CACHD1: variants seen among roughly 807,000 people sequenced by gnomAD.
CACHD1 encodes the protein VWFA and cache domain-containing protein 1.
A neutral mutation model predicts 138.7 loss-of-function variants in CACHD1; 71 were observed. The observed-to-expected ratio is 0.51, with a 90% confidence interval of 0.42 to 0.62. The LOEUF is 0.62. CACHD1 is among the 20% of genes least tolerant of loss of function. CACHD1 has a pLI of 0.00. For missense variants in CACHD1, 1,389 were observed against 1,625.3 expected (o/e 0.85, Z 2.50); for synonymous variants, 578 against 591.5 (o/e 0.98, Z 0.33).
At chr1:64,619,485 G>C (rs780403750) in intron 4 of CACHD1, among the ~76,000 whole-genome samples, 2 of 152,150 alleles carry the variant, frequency 1.3e-5, no homozygotes, top group Non-Finnish European at 2.9e-5. Flanking sequence ...CAGAAGAACT[G>C]TTTCCTTGCA....
At chr1:64,540,732 A>G (rs916164477) in intron 1 of CACHD1, among the ~76,000 whole-genome samples, 3 of 152,124 alleles carry the variant, frequency 2.0e-5, no homozygotes, top group Non-Finnish European at 4.4e-5. Context: ...ATTGCTTTAG[A>G]TTTTCCCTGC....
Position 64,582,215 on chromosome 1 carries a change from G to A in CACHD1, c.321G>A (p.Lys107=). 1.2e-6 allele frequency: 2 copies of A among 1,614,066 alleles called. No individual in the cohort carries two copies. The highest frequency in any genetic ancestry group is 1.7e-6 in the Non-Finnish European group (2 of 1,179,930). The part of the protein sequence containing the change: ...NRYLDVVNRN[K]QVVEASYTAH... The stretch of plus-strand genomic sequence containing the variant: ...ACTTGGATGTGGTCAATCGGAACAA[G>A]CAAGTTGTAGAAGCATCCTATACGG... Residue 107 remains lysine, a synonymous_variant, in exon 3 of 27, where the codon AAG becomes AAA. Transcript: ENST00000651257.
chr1:64,604,937 C>T (rs938724414), intron 4 of CACHD1, among the ~76,000 whole-genome samples: 1 of 149,584 alleles, frequency 6.7e-6, no homozygotes, highest in African/African-American at 2.5e-5. Flanking sequence ...AGGCATGAGC[C>T]ACCTCGCCTA....
intron 1 of CACHD1, among the ~76,000 whole-genome samples, chr1:64,479,547 T>C (rs575115776): frequency 6.6e-6 from 1 of 152,222 alleles, no homozygotes; most frequent in Admixed American, 6.5e-5. Flanking sequence ...AGGGCATAAA[T>C]AGAGGTGGGA....
intron 4 of CACHD1, among the ~76,000 whole-genome samples, chr1:64,625,159 A>G (rs1648051447): frequency 1.3e-5 from 2 of 152,216 alleles, no homozygotes; most frequent in South Asian, 4.1e-4. Context: ...TAAAGCAGTG[A>G]GGGATAGGGG....
intron 1 of CACHD1, among the ~76,000 whole-genome samples, chr1:64,481,869 T>C (rs1056388331): frequency 5.3e-5 from 8 of 152,214 alleles, no homozygotes; most frequent in African/African-American, 1.9e-4. Context: ...CTTGACTCTA[T>C]ATATAAAAAT....
intron 11 of CACHD1, 127 bp from the exon 12 acceptor site, chr1:64,654,559 A>T: frequency 1.5e-6 from 1 of 684,576 alleles, no homozygotes; most frequent in Non-Finnish European, 2.6e-6. Context: ...TCCTTTCAAA[A>T]CTGATGAGCT....
rs563238233 is a variant in CACHD1, at chr1:64,678,458, C to T, written c.3244+148C>T. 1.8e-5 allele frequency: 15 copies of T among 829,848 alleles called. No individual in the cohort carries two copies. In the East Asian group the frequency reaches 4.3e-4, roughly 24 times the overall value. The allele number at this position is 829,848 out of a possible 1,614,324, so 51.4% of individuals were successfully genotyped here. A position where few individuals can be genotyped will look rare whatever the true frequency, so the allele number is the denominator to read the frequency against. On this transcript the variant is annotated intron_variant, in intron 23 of 26. Coordinates refer to ENST00000651257, the MANE Select transcript of CACHD1 (RefSeq NM_020925.4). ...TTACAAAACCAAGGCAGATAATTACCTTCAGAACTGGCTAAATATTCTATG... is the reference window on the plus strand; with the variant it reads ...TTACAAAACCAAGGCAGATAATTACTTTCAGAACTGGCTAAATATTCTATG...
chr1:64,544,736 G>A (rs531108385), intron 1 of CACHD1, among the ~76,000 whole-genome samples: 9 of 152,164 alleles, frequency 5.9e-5, no homozygotes, highest in African/African-American at 2.2e-4. Context: ...TGCTCTTTTG[G>A]GGAGGGAGCG....
At chr1:64,502,998 T>C (rs2100326924) in intron 1 of CACHD1, among the ~76,000 whole-genome samples, 1 of 152,364 alleles carries the variant, frequency 6.6e-6, no homozygotes, top group East Asian at 1.9e-4. Flanking sequence ...TTTAGTTGCA[T>C]GCTCTTCAAA....
At chr1:64,632,861 G>A in intron 6 of CACHD1, 118 bp downstream of exon 6, 7 of 1,179,884 alleles carry the variant, frequency 5.9e-6, no homozygotes, top group Non-Finnish European at 8.4e-6. Context: ...GTTACATCCT[G>A]ATAAATCCAT....
intron 12 of CACHD1, among the ~76,000 whole-genome samples, chr1:64,655,505 A>G (rs1297787699): frequency 6.6e-6 from 1 of 152,180 alleles, no homozygotes; most frequent in East Asian, 1.9e-4. Flanking sequence ...GAGACATGAA[A>G]GCATAAGTAC....
intron 1 of CACHD1, among the ~76,000 whole-genome samples, chr1:64,544,519 G>C (rs974800225): frequency 3.9e-5 from 6 of 151,978 alleles, no homozygotes; most frequent in African/African-American, 1.5e-4. Flanking sequence ...TGGGAGGGTG[G>C]GTCAGTGGAT....
chr1:64,540,444 A>C (rs17395014), intron 1 of CACHD1, among the ~76,000 whole-genome samples: 8,538 of 152,216 alleles, frequency 0.056, 323 homozygotes, highest in Non-Finnish European at 0.084. Flanking sequence ...ATTGTCATGA[A>C]TATTACTTTT....
At chr1:64,563,614 C>T (rs921497499) in intron 2 of CACHD1, 5 of 152,108 alleles carry the variant, frequency 3.3e-5, no homozygotes, top group African/African-American at 1.2e-4. Flanking sequence ...ACTTTATGTG[C>T]CCCGATGTGA....
At position 64,634,265 on chromosome 1, in the gene CACHD1, G is replaced by A; in HGVS notation, c.1006+5G>A. The A allele has an allele frequency of 6.2e-7, 1 of 1,613,038 alleles. No individual in the cohort carries two copies. Among genetic ancestry groups the A allele is most frequent in the Non-Finnish European group, 8.5e-7 (1 of 1,179,180 alleles). On this transcript the variant is annotated splice_donor_5th_base_variant and intron_variant, in intron 7 of 26. Coordinates refer to ENST00000651257, the MANE Select transcript of CACHD1 (RefSeq NM_020925.4). ...ATAACACAAAGTTCCAAGCAAGTGA[G>A]TGCGTTCTCTCAGAGGACTTAGAGG...
chr1:64,659,925 C>G (rs1478836748), intron 13 of CACHD1, among the ~76,000 whole-genome samples: 1 of 152,128 alleles, frequency 6.6e-6, no homozygotes, highest in African/African-American at 2.4e-5. Flanking sequence ...AAATTCCATC[C>G]TCGAGAGTTC....
In CACHD1 at chr1:64,691,925, TG is replaced by T. The variant is rs1650573162; in HGVS notation, c.*366del. On this transcript the variant is annotated 3_prime_UTR_variant, in exon 27 of 27. Coordinates refer to ENST00000651257, the MANE Select transcript of CACHD1 (RefSeq NM_020925.4). ...CCAGAAGCATTCAGCTCTCCTTAAC[TG>T]GAAGAGAGAAAAATCTGCTCACCCA... 4.0e-6 allele frequency: 1 copy of T among 248,996 alleles called. No homozygotes were observed. Among genetic ancestry groups the T allele is most frequent in the Non-Finnish European group, 7.9e-6 (1 of 126,206 alleles). The allele number at this position is 248,996 out of a possible 1,614,324, so 15.4% of individuals were successfully genotyped here. A position where few individuals can be genotyped will look rare whatever the true frequency, so the allele number is the denominator to read the frequency against.
In CACHD1 at chr1:64,531,687, T is replaced by G. The variant is rs940193214; in HGVS notation, c.199-18907T>G. On this transcript the variant is annotated intron_variant, in intron 1 of 26. Coordinates refer to ENST00000651257, the MANE Select transcript of CACHD1 (RefSeq NM_020925.4). ...TGTGTTTAGACTGATTCTCAGCTTA[T>G]TAACTTGCACATTACCCCCTGGTGT... 1.1e-4 allele frequency among the ~76,000 whole-genome samples: 17 copies of G among 152,126 alleles called. 5 individuals are homozygous for G. Among genetic ancestry groups the G allele is most frequent in the Admixed American group, 1.3e-4 (2 of 15,302 alleles).
Sources: allele counts gnomAD v4.1 joint callset (sites outside exome capture counted in the v4.1 genomes callset), GRCh38; gene constraint gnomAD v4.1.1; transcripts MANE v1.5; gene names NCBI Gene and HGNC (gene_info 2026-07-23, HGNC 2026-07-21).